ADAM20: variants seen among roughly 807,000 people sequenced by gnomAD.
ADAM20 encodes disintegrin and metalloproteinase domain-containing protein 20.
For missense variants in ADAM20, 871 were observed against 883.2 expected, an observed-to-expected ratio of 0.99 and a Z score of 0.18; for synonymous variants, 305 against 310.2, an observed-to-expected ratio of 0.98 and a Z score of 0.18.
At chr14:70,541,119 G>C in the ADAM20 span, among the ~76,000 whole-genome samples, 1,022 of 152,250 alleles carry the variant, frequency 6.7e-3, 13 homozygotes, top group African/African-American at 0.024. Context: ...GTAAATTCTT[G>C]TCCTAAAGTA....
At chr14:70,543,445 A>G in the ADAM20 span, among the ~76,000 whole-genome samples, 1 of 152,204 alleles carries the variant, frequency 6.6e-6, no homozygotes, top group Non-Finnish European at 1.5e-5. Context: ...CCAAACATGC[A>G]TCTCTGCCTT....
chr14:70,544,950 C>G, the ADAM20 span, among the ~76,000 whole-genome samples: 9 of 151,916 alleles, frequency 5.9e-5, no homozygotes, highest in African/African-American at 2.2e-4. Flanking sequence ...CAATATTGAT[C>G]AATATTAATA....
intron 1 of ADAM20, among the ~76,000 whole-genome samples, chr14:70,527,917 A>C (rs1222210801): frequency 6.6e-6 from 1 of 152,110 alleles, no homozygotes; most frequent in Non-Finnish European, 1.5e-5. Flanking sequence ...AAATCATCTA[A>C]ACCTTTCCTC....
the ADAM20 span, among the ~76,000 whole-genome samples, chr14:70,545,191 G>C: frequency 6.6e-6 from 1 of 152,186 alleles, no homozygotes; most frequent in African/African-American, 2.4e-5. Context: ...CACAAAGGCA[G>C]CACCTTCATA....
chr14:70,528,091 T>A (rs1178104961), intron 1 of ADAM20, among the ~76,000 whole-genome samples: 1 of 152,224 alleles, frequency 6.6e-6, no homozygotes, highest in East Asian at 1.9e-4. Context: ...ACATCACCAG[T>A]TAAACTATAA....
At chr14:70,540,533 T>C in the ADAM20 span, among the ~76,000 whole-genome samples, 3 of 152,228 alleles carry the variant, frequency 2.0e-5, no homozygotes, top group Non-Finnish European at 4.4e-5. Flanking sequence ...CTCTGCCAAA[T>C]ACTATAAGGT....
At chr14:70,531,193 G>A (rs929200650) in intron 1 of ADAM20, among the ~76,000 whole-genome samples, 1 of 152,054 alleles carries the variant, frequency 6.6e-6, no homozygotes, top group African/African-American at 2.4e-5. Flanking sequence ...TATGATACAA[G>A]GATAGTTTAA....
chr14:70,546,393 A>G, the ADAM20 span, among the ~76,000 whole-genome samples: 1 of 152,184 alleles, frequency 6.6e-6, no homozygotes, highest in East Asian at 1.9e-4. Context: ...TTTTAGGGAG[A>G]CATGAGACAT....
intron 1 of ADAM20, among the ~76,000 whole-genome samples, chr14:70,528,497 T>C (rs1255296198): frequency 6.6e-6 from 1 of 152,214 alleles, no homozygotes; most frequent in Non-Finnish European, 1.5e-5. Flanking sequence ...GATACATAGG[T>C]TTCCCCTAAT....
At chr14:70,529,984 A>G (rs1401296192) in intron 1 of ADAM20, among the ~76,000 whole-genome samples, 1 of 152,216 alleles carries the variant, frequency 6.6e-6, no homozygotes, top group Non-Finnish European at 1.5e-5. Context: ...CAGCTGTACA[A>G]AAATTTTTAC....
the ADAM20 span, among the ~76,000 whole-genome samples, chr14:70,574,843 A>G: frequency 1.1e-4 from 17 of 150,384 alleles, no homozygotes; most frequent in Non-Finnish European, 2.5e-4. Flanking sequence ...ATAATGGTAT[A>G]CCATTCAACC....
the ADAM20 span, among the ~76,000 whole-genome samples, chr14:70,549,147 G>A: frequency 1.6e-3 from 136 of 82,820 alleles, 1 homozygote; most frequent in Non-Finnish European, 2.5e-3. Flanking sequence ...AAGAGCTCCT[G>A]AAGGAAGCGC....
rs757695391 is a variant in ADAM20, at chr14:70,522,846, T to C, written c.1912A>G (p.Lys638Glu). Residue 638 changes from lysine to glutamate, a missense_variant, in exon 2 of 2, where the codon AAG (lysine) becomes GAG (glutamate). Coordinates refer to ENST00000256389, the MANE Select transcript of ADAM20 (RefSeq NM_003814.5). ...MVHLSQACQP[K>E]TCNMRGICNN... is the part of the protein sequence containing the mutation. ...CAGATTCCCCTCATGTTGCAGGTCTTAGGCTGACAGGCTTGTGACAGATGA... is the reference window on the plus strand; with the variant it reads ...CAGATTCCCCTCATGTTGCAGGTCTCAGGCTGACAGGCTTGTGACAGATGA... 6.2e-6 allele frequency: 10 copies of C among 1,614,094 alleles called. No homozygotes were observed. The South Asian group carries it at 1.1e-4, about 18-fold the overall frequency.
chr14:70,565,747 C>G, the ADAM20 span, among the ~76,000 whole-genome samples: 67 of 152,214 alleles, frequency 4.4e-4, no homozygotes, highest in African/African-American at 1.6e-3. Flanking sequence ...GTTGCATTTA[C>G]ATTTTATTGG....
intron 1 of ADAM20, among the ~76,000 whole-genome samples, chr14:70,529,009 C>A (rs1225072796): frequency 6.6e-6 from 1 of 151,944 alleles, no homozygotes; most frequent in Non-Finnish European, 1.5e-5. Flanking sequence ...ATATATGCAC[C>A]CAACATTGGA....
the ADAM20 span, among the ~76,000 whole-genome samples, chr14:70,540,870 G>A: frequency 6.6e-6 from 1 of 152,160 alleles, no homozygotes; most frequent in Non-Finnish European, 1.5e-5. Flanking sequence ...TTGGCTCACT[G>A]CAACCTCCAT....
rs1406431546 is a variant in ADAM20 at position 70,523,422 on chromosome 14, CAGCCCCAGGA to C, written c.1326_1335del (p.His442GlnfsTer55). On this transcript the variant is annotated frameshift_variant, in exon 2 of 2. Transcript: ENST00000256389. LOFTEE classifies it low-confidence loss of function (END_TRUNC). ...TTGCAACATATTCCAAAAGCACAAG[CAGCCCCAGGA>C]TGTAGAGTACAGTTTAACAGACAAC... The C allele has an allele frequency of 1.2e-6, 2 of 1,614,056 alleles. No individual in the cohort carries two copies. Among genetic ancestry groups the C allele is most frequent in the East Asian group, 4.5e-5 (2 of 44,882 alleles).
At chr14:70,562,892 C>T in the ADAM20 span, among the ~76,000 whole-genome samples, 1 of 152,136 alleles carries the variant, frequency 6.6e-6, no homozygotes. Context: ...ACTAATAAAA[C>T]TTCTGAATAA....
chr14:70,554,332 A>G, the ADAM20 span, among the ~76,000 whole-genome samples: 6 of 152,228 alleles, frequency 3.9e-5, no homozygotes, highest in African/African-American at 1.4e-4. Context: ...TCCTTAAAAA[A>G]TTAAAAATAG....
Sources: gnomAD v4.1 joint callset for allele counts (sites outside exome capture counted in the v4.1 genomes callset) on GRCh38, gnomAD v4.1.1 for gene constraint, MANE v1.5 for transcripts, NCBI Gene and HGNC (gene_info 2026-07-23, HGNC 2026-07-21) for gene names.